Variants in NOX1 observed in about 807,000 individuals in gnomAD.
NOX1 encodes NADPH oxidase 1.
In NOX1, 34 loss-of-function variants were observed where a neutral mutation model predicts 42.5. The ratio of observed to expected loss-of-function variants is 0.80; its 90% CI spans 0.61 to 1.07. The LOEUF is 1.07. Ranked by LOEUF, NOX1 falls within the 50% of genes least tolerant of loss-of-function variation. The pLI is 0.00. For synonymous variants in NOX1, 143 were observed against 152.5 expected, an observed-to-expected ratio of 0.94 and a Z score of 0.46; for missense variants, 408 against 427.0, an observed-to-expected ratio of 0.96 and a Z score of 0.39.
At chrX:100,852,142 A>G (rs1438056332) in intron 7 of NOX1, among the ~76,000 whole-genome samples, 1 of 112,188 alleles carries the variant, frequency 8.9e-6, no homozygotes, top group Admixed American at 9.4e-5. Context: ...TAACATAGTA[A>G]TATCTTTTTT....
In NOX1 at chrX:100,850,186, T is replaced by C. The variant is rs1569444547; in HGVS notation, c.1098A>G (p.Ile366Met). The change falls in exon 9 of 13, where the codon ATA becomes ATG. Residue 366 changes from isoleucine (I) to methionine (M), a missense_variant. Physicochemically the swap from Ile to Met is conservative, Grantham distance 10 (BLOSUM62 1). Transcript: ENST00000372966. Reference protein sequence around the residue: ...RAAGDWTENLIRAFEQQYSPI... With the variant: ...RAAGDWTENLMRAFEQQYSPI... ...GTGAATATTGTTGTTCGAAAGCCCTTATGAGATTTTCTGTCCAGTCCCCTG... is the reference window on the plus strand; with the variant it reads ...GTGAATATTGTTGTTCGAAAGCCCTCATGAGATTTTCTGTCCAGTCCCCTG... The C allele has an allele frequency of 1.7e-6, 2 of 1,211,050 alleles. No individual in the cohort carries two copies. The highest frequency in any genetic ancestry group is 2.2e-6 in the Non-Finnish European group (2 of 894,878).
chrX:100,856,280 T>A, intron 7 of NOX1: 1 of 838,906 alleles, frequency 1.2e-6, no homozygotes, highest in Non-Finnish European at 1.8e-6. Context: ...CCATCACTCA[T>A]AATGGCTCCT....
At chrX:100,846,630 T>C (rs2085074898) in intron 12 of NOX1, among the ~76,000 whole-genome samples, 1 of 111,512 alleles carries the variant, frequency 9.0e-6, no homozygotes, top group South Asian at 3.8e-4. Flanking sequence ...AGTCTCTCTC[T>C]CTCCCTCCCT....
At chrX:100,848,040 AGTTT>A (rs1357307718) in intron 12 of NOX1, among the ~76,000 whole-genome samples, 1 of 111,173 alleles carries the variant, frequency 9.0e-6, no homozygotes, top group African/African-American at 3.3e-5. Flanking sequence ...CCAGTTCTCT[AGTTT>A]GTTTGGTAGT....
At chrX:100,855,598 C>A in intron 7 of NOX1, 1 of 995,734 alleles carries the variant, frequency 1.0e-6, no homozygotes, top group Non-Finnish European at 1.4e-6. Context: ...CCCTGTCCAC[C>A]ACTTCCATAG....
In NOX1 at chrX:100,849,863, C is replaced by A; in HGVS notation, c.1205G>T (p.Gly402Val). ...VFQYEVAVLV[G>V]AGIGVTPFAS... is the part of the protein sequence containing the mutation. ...AAAGGGGGTGACCCCAATTCCTGCT[C>A]CAACCAGCACAGCCACTTCATACTG... Residue 402 changes from glycine (G) to valine (V), a missense_variant, in exon 10 of 13, where the codon GGA (glycine) becomes GTA (valine). Transcript: ENST00000372966. 1 of 1,210,856 alleles carries A rather than the reference C, an allele frequency of 8.3e-7. No individual in the cohort carries two copies. Among genetic ancestry groups the A allele is most frequent in the Non-Finnish European group, 1.1e-6 (1 of 894,909 alleles).
chrX:100,855,376 C>T (rs1341164696), intron 7 of NOX1: 2 of 591,573 alleles, frequency 3.4e-6, no homozygotes, highest in East Asian at 3.2e-5. Context: ...GTATTGGCCT[C>T]CATCACCCTA....
chrX:100,872,526 G>C (rs146244487), intron 1 of NOX1, among the ~76,000 whole-genome samples: 1 of 111,399 alleles, frequency 9.0e-6, no homozygotes, highest in South Asian at 3.8e-4. Context: ...TCAGTGCATA[G>C]GAGTATATGT....
chrX:100,874,212 C>T lies in NOX1; in HGVS notation c.-73G>A. Reference sequence around the variant, plus strand: ...CAATCCGGATTCTGGAGAGGTCCTTCAGGAATGGAACATTTGTCCAGCGCA... The same window carrying T: ...CAATCCGGATTCTGGAGAGGTCCTTTAGGAATGGAACATTTGTCCAGCGCA... On this transcript the variant is annotated 5_prime_UTR_variant, in exon 1 of 13. An upstream open reading frame in the 5' UTR loses its in-frame stop. Coordinates refer to ENST00000372966, the MANE Select transcript of NOX1 (RefSeq NM_007052.5). The T allele has an allele frequency of 1.4e-6, 1 of 735,130 alleles. No individual in the cohort carries two copies. Among genetic ancestry groups the T allele is most frequent in the Non-Finnish European group, 2.1e-6 (1 of 471,003 alleles). The allele number at this position is 735,130 out of a possible 1,213,427, so 60.6% of individuals were successfully genotyped here. A position where few individuals can be genotyped will look rare whatever the true frequency, so the allele number is the denominator to read the frequency against.
At chrX:100,854,738 G>GGTGAA (rs1292629110) in intron 7 of NOX1, among the ~76,000 whole-genome samples, 3 of 111,513 alleles carry the variant, frequency 2.7e-5, no homozygotes, top group Non-Finnish European at 5.7e-5. Context: ...CCATGATTTT[G>GGTGAA]CTTGGGTAGT....
chrX:100,856,947 A>G (rs190204585), intron 7 of NOX1, among the ~76,000 whole-genome samples: 12 of 111,218 alleles, frequency 1.1e-4, no homozygotes, highest in African/African-American at 3.9e-4. Context: ...ACTACATGTC[A>G]CAGGGGTTTG....
chrX:100,870,416 T>C (rs2085266801), intron 2 of NOX1, among the ~76,000 whole-genome samples: 1 of 111,516 alleles, frequency 9.0e-6, no homozygotes, highest in Non-Finnish European at 1.9e-5. Flanking sequence ...TGGGTCTGGG[T>C]AGTGTGCCCT....
At chrX:100,857,513 C>T (rs902280005) in intron 7 of NOX1, among the ~76,000 whole-genome samples, 1 of 111,984 alleles carries the variant, frequency 8.9e-6, no homozygotes, top group Non-Finnish European at 1.9e-5. Flanking sequence ...TAAGTGCTCC[C>T]TTTTCCTTGC....
rs1177925812 is a variant in NOX1 at position 100,853,261 on chromosome X, CCTTTCTTTCTTT to C, written c.805-1948_805-1937del. 4.0e-3 allele frequency among the ~76,000 whole-genome samples: 93 copies of C among 23,442 alleles called. 1 individual carries two copies. The highest frequency in any genetic ancestry group is 0.018 in the East Asian group (24 of 1,371). The allele number at this position is 23,442 out of a possible 115,157, so 20.4% of individuals were successfully genotyped here. A position where few individuals can be genotyped will look rare whatever the true frequency, so the allele number is the denominator to read the frequency against. On this transcript the variant is annotated intron_variant, in intron 7 of 12. Coordinates refer to ENST00000372966, the MANE Select transcript of NOX1 (RefSeq NM_007052.5). The stretch of plus-strand genomic sequence containing the variant: ...TCTTTCTTTCCTTCCTTCCTTCCTT[CCTTTCTTTCTTT>C]CTTTCTTTCTTTCTTTCTTTCTTTC...
intron 7 of NOX1, among the ~76,000 whole-genome samples, chrX:100,860,085 G>C (rs745436463): frequency 2.3e-4 from 25 of 110,326 alleles, no homozygotes; most frequent in African/African-American, 8.2e-4. Context: ...GCAAATGATA[G>C]GAGACTCTAC....
intron 7 of NOX1, among the ~76,000 whole-genome samples, chrX:100,858,997 C>T: frequency 9.0e-6 from 1 of 111,463 alleles, no homozygotes; most frequent in Non-Finnish European, 1.9e-5. Flanking sequence ...AGAATGCATC[C>T]TTGTCTTTTT....
chrX:100,862,515 A>G lies in NOX1; in HGVS notation c.548T>C (p.Ile183Thr), dbSNP rs2085211577. The G allele has an allele frequency of 5.0e-6, 6 of 1,210,500 alleles. No individual in the cohort carries two copies. Among genetic ancestry groups the G allele is most frequent in the Non-Finnish European group, 4.5e-6 (4 of 894,330 alleles). The change falls in exon 6 of 13, where the codon ATA becomes ACA. Residue 183 changes from isoleucine to threonine, a missense_variant. By Grantham distance (89) the Ile-to-Thr change is moderately conservative. Transcript: ENST00000372966. ...TGAAGTTACCATGAGAATCAAGGCT[A>G]TTGTCATGATCACTCCAGTGAGACC... ...IAGLTGVIMT[I>T]ALILMVTSAT...
At chrX:100,865,527 T>G (rs2085231761) in intron 2 of NOX1, among the ~76,000 whole-genome samples, 1 of 112,750 alleles carries the variant, frequency 8.9e-6, no homozygotes, top group East Asian at 2.8e-4. Context: ...CTTCTTCCTC[T>G]GCTGCTTATC....
chrX:100,871,477 C>G (rs2085274192), intron 1 of NOX1, among the ~76,000 whole-genome samples: 1 of 112,582 alleles, frequency 8.9e-6, no homozygotes, highest in Non-Finnish European at 1.9e-5. Flanking sequence ...CTAAACCATT[C>G]CAGATGGGCC....
Sources: gnomAD v4.1 joint callset for allele counts (sites outside exome capture counted in the v4.1 genomes callset) on GRCh38, gnomAD v4.1.1 for gene constraint, MANE v1.5 for transcripts, NCBI Gene and HGNC (gene_info 2026-07-23, HGNC 2026-07-21) for gene names.